Variants in IFT80 observed in about 807,000 individuals in gnomAD.
IFT80 encodes the protein intraflagellar transport 80.
A neutral mutation model predicts 107.9 loss-of-function variants in IFT80; 79 were observed. The ratio of observed to expected loss-of-function variants is 0.73; its 90% CI spans 0.61 to 0.88. The LOEUF (loss-of-function observed/expected upper bound fraction) is 0.88. IFT80 is among the 40% of genes least tolerant of loss of function. IFT80 has a pLI of 0.00. For missense variants in IFT80, 797 were observed against 914.2 expected (o/e 0.87, Z 1.65); for synonymous variants, 299 against 300.9 (o/e 0.99, Z 0.07).
chr3:160,302,858 T>C (rs964893569), intron 11 of IFT80, among the ~76,000 whole-genome samples: 1 of 152,156 alleles, frequency 6.6e-6, no homozygotes, highest in Non-Finnish European at 1.5e-5. Context: ...GTCATCAATA[T>C]GGTGATCACA....
At chr3:160,350,720 C>T (rs1720633932) in intron 8 of IFT80, among the ~76,000 whole-genome samples, 1 of 151,748 alleles carries the variant, frequency 6.6e-6, no homozygotes, top group South Asian at 2.1e-4. Context: ...GAGGCTGGAG[C>T]AGGAGAATCG....
chr3:160,387,052 C>T (rs770733137), intron 1 of IFT80, among the ~76,000 whole-genome samples: 6 of 152,110 alleles, frequency 3.9e-5, no homozygotes, highest in East Asian at 1.9e-4. Flanking sequence ...TAAGACTGGA[C>T]GCAGTAAGAC....
intron 10 of IFT80, 53 bp from the exon 11 acceptor site, chr3:160,304,042 T>C (rs899897859): frequency 4.3e-6 from 5 of 1,155,834 alleles, no homozygotes; most frequent in African/African-American, 1.5e-5. Flanking sequence ...CCAAATACTT[T>C]TAAATAAGTA....
In IFT80 at chr3:160,259,194, CAA is replaced by C. The variant is rs1201452224; in HGVS notation, c.2224-561_2224-560del. 2.0e-5 allele frequency among the ~76,000 whole-genome samples: 3 copies of C among 152,208 alleles called. No individual in the cohort carries two copies. In the East Asian group the frequency reaches 5.8e-4, roughly 29 times the overall value. ...AAAATAAGAATTATATAATAAAAAG[CAA>C]AGACTCTCATTGTGATTTAAAAGAC... On this transcript the variant is annotated intron_variant, in intron 19 of 19. Transcript: ENST00000326448.
rs1713529195 is a variant in IFT80, at chr3:160,268,502, C to T, written c.2134G>A (p.Val712Ile). ...LELAVKYKTHVDTVLAYRQKF... is the reference protein window; with the variant it reads ...LELAVKYKTHIDTVLAYRQKF... The stretch of plus-strand genomic sequence containing the variant: ...TGACGGTAAGCAAGAACTGTATCAA[C>T]ATGTGTTTTGTATTTTACAGCCAAT... Residue 712 changes from valine (V) to isoleucine (I), a missense_variant, in exon 19 of 20, where the codon GTT (valine) becomes ATT (isoleucine). By Grantham distance (29) the Val-to-Ile change is conservative. Transcript: ENST00000326448. The T allele has an allele frequency of 2.5e-6, 4 of 1,613,098 alleles. No individual in the cohort carries two copies. The highest frequency in any genetic ancestry group is 2.2e-5 in the South Asian group (2 of 91,066).
intron 13 of IFT80, among the ~76,000 whole-genome samples, chr3:160,285,192 A>G (rs1174988600): frequency 6.6e-6 from 1 of 152,162 alleles, no homozygotes; most frequent in African/African-American, 2.4e-5. Flanking sequence ...CAAACAAACA[A>G]AAAAACTAAT....
At chr3:160,345,310 A>G (rs999253289) in intron 8 of IFT80, among the ~76,000 whole-genome samples, 22 of 152,220 alleles carry the variant, frequency 1.4e-4, no homozygotes, top group Admixed American at 1.2e-3. Context: ...AGAGATCACT[A>G]TGTTAAGTGA....
rs1283185314 is a variant in IFT80, at chr3:160,357,495, T to C, written c.633A>G (p.Lys211=). The C allele has an allele frequency of 6.7e-7, 1 of 1,498,332 alleles. No homozygotes were observed. Among genetic ancestry groups the C allele is most frequent in the African/African-American group, 1.4e-5 (1 of 72,604 alleles). The allele number at this position is 1,498,332 out of a possible 1,614,324, so 92.8% of individuals were successfully genotyped here. A position where few individuals can be genotyped will look rare whatever the true frequency, so the allele number is the denominator to read the frequency against. ...AAATCTAAACATTATATACCTTATATTTACAGTCTTCACCAGCAGATAAAA... is the reference window on the plus strand; with the variant it reads ...AAATCTAAACATTATATACCTTATACTTACAGTCTTCACCAGCAGATAAAA... ...DLILSAGEDC[K]YKVWDSYGRP... Residue 211 remains lysine (K), a synonymous_variant, in exon 7 of 20, where the codon AAA becomes AAG. Transcript: ENST00000326448.
chr3:160,352,629 T>C (rs1720794601), intron 8 of IFT80, among the ~76,000 whole-genome samples: 1 of 152,142 alleles, frequency 6.6e-6, no homozygotes, highest in Non-Finnish European at 1.5e-5. Flanking sequence ...ATATTGCAAA[T>C]AGTGCCCAAG....
At chr3:160,307,873 A>G (rs1231063592) in intron 9 of IFT80, 92 bp from the exon 10 acceptor site, 2 of 722,998 alleles carry the variant, frequency 2.8e-6, no homozygotes, top group African/African-American at 3.5e-5. Flanking sequence ...ACAAAAAATT[A>G]AATGCACTAC....
intron 1 of IFT80, among the ~76,000 whole-genome samples, chr3:160,389,235 C>A (rs1713171766): frequency 6.6e-6 from 1 of 152,070 alleles, no homozygotes; most frequent in Non-Finnish European, 1.5e-5. Flanking sequence ...GATAATTACC[C>A]TTTTTCTAAA....
rs1721837345 is a variant in IFT80 at position 160,366,031 on chromosome 3, A to C, written c.549+12T>G. 3 of 1,596,364 alleles carry C rather than the reference A, an allele frequency of 1.9e-6. No homozygotes were observed. The highest frequency in any genetic ancestry group is 2.6e-6 in the Non-Finnish European group (3 of 1,164,200). On this transcript the variant is annotated intron_variant, in intron 6 of 19. Coordinates refer to ENST00000326448, the MANE Select transcript of IFT80 (RefSeq NM_020800.3). ...AGACCCTGATAACAATTTACAAATG[A>C]CTGAGAAGTACCTGCAAAACTTTAG...
intron 1 of IFT80, among the ~76,000 whole-genome samples, chr3:160,389,920 G>T (rs1048662322): frequency 6.6e-6 from 1 of 152,066 alleles, no homozygotes; most frequent in Non-Finnish European, 1.5e-5. Context: ...ACTTCCACAA[G>T]GGTTGAACTA....
intron 3 of IFT80, among the ~76,000 whole-genome samples, chr3:160,379,658 T>C (rs1054106897): frequency 6.6e-6 from 1 of 152,178 alleles, no homozygotes; most frequent in Non-Finnish European, 1.5e-5. Context: ...ATAAAGGACA[T>C]GCAGGAATTG....
At chr3:160,295,737 G>A (rs1282973268) in intron 12 of IFT80, among the ~76,000 whole-genome samples, 1 of 152,182 alleles carries the variant, frequency 6.6e-6, no homozygotes, top group African/African-American at 2.4e-5. Context: ...TCAAGATGTA[G>A]AAACAACCTA....
chr3:160,281,308 A>C (rs192769375), intron 14 of IFT80, among the ~76,000 whole-genome samples: 133 of 152,336 alleles, frequency 8.7e-4, no homozygotes, highest in Non-Finnish European at 1.4e-3. Context: ...CAAGAGGCCA[A>C]GATCCACAGA....
intron 13 of IFT80, 105 bp from the exon 14 acceptor site, chr3:160,282,718 T>C (rs1035474077): frequency 1.1e-5 from 8 of 728,356 alleles, no homozygotes; most frequent in Middle Eastern, 3.8e-4. Flanking sequence ...TTAAATGTCA[T>C]TTCCCCATTT....
In IFT80 at chr3:160,300,926, CAA is replaced by C; in HGVS notation, c.1270_1271del (p.Leu424GlufsTer2). On this transcript the variant is annotated frameshift_variant, in exon 12 of 20. Coordinates refer to ENST00000326448, the MANE Select transcript of IFT80 (RefSeq NM_020800.3). LOFTEE classifies it high-confidence loss of function. ...TDILNAQTVS[L>X]SNDTIAIRDK... Reference sequence around the variant, plus strand: ...CTCTTATTGCTATGGTATCATTACTCAAAGACACAGTCTGTGCATTCAGAATA... The same window carrying C: ...CTCTTATTGCTATGGTATCATTACTCAGACACAGTCTGTGCATTCAGAATA... The C allele has an allele frequency of 6.2e-7, 1 of 1,610,574 alleles. No individual in the cohort carries two copies. The highest frequency in any genetic ancestry group is 1.3e-5 in the African/African-American group (1 of 74,934).
At chr3:160,333,103 A>G (rs1047097660) in intron 8 of IFT80, among the ~76,000 whole-genome samples, 5 of 152,242 alleles carry the variant, frequency 3.3e-5, no homozygotes, top group African/African-American at 1.2e-4. Context: ...CTGTCACACA[A>G]CGATAGTAGT....
Sources: allele counts gnomAD v4.1 joint callset (sites outside exome capture counted in the v4.1 genomes callset), GRCh38; gene constraint gnomAD v4.1.1; transcripts MANE v1.5; gene names NCBI Gene and HGNC (gene_info 2026-07-23, HGNC 2026-07-21).